The following RBFOX1 variants were observed in gnomAD, a reference collection of about 807,000 sequenced individuals.
RBFOX1 encodes RNA binding protein fox-1 homolog 1.
In RBFOX1, 8 loss-of-function variants were observed where a neutral mutation model predicts 57.7. The observed-to-expected ratio is 0.14, with a 90% CI of 0.08 to 0.25. The LOEUF is 0.25. Ranked by LOEUF, RBFOX1 falls within the 10% of genes least tolerant of loss-of-function variation. The probability of loss-of-function intolerance (pLI) is 1.00; values close to 1 mark genes in which losing one functional copy is unlikely to be tolerated. For synonymous variants in RBFOX1, 326 were observed against 222.4 expected (o/e 1.47, Z -4.15); for missense variants, 611 against 548.5 (o/e 1.11, Z -1.14).
intron 3 of RBFOX1, among the ~76,000 whole-genome samples, chr16:5,710,071 C>G (rs924689463): frequency 7.3e-5 from 11 of 150,854 alleles, no homozygotes; most frequent in African/African-American, 2.7e-4. Context: ...GCACCCGGGA[C>G]AGCTCCTGAG....
intron 4 of RBFOX1, among the ~76,000 whole-genome samples, chr16:5,909,237 C>T (rs759796778): frequency 1.6e-4 from 25 of 151,610 alleles, no homozygotes; most frequent in Non-Finnish European, 3.2e-4. Context: ...GGACTACAGG[C>T]ACCCACCACC....
rs577162159 is a variant in RBFOX1 at position 7,575,459 on chromosome 16, A to C, written c.271-4318A>C. Among the ~76,000 whole-genome samples the C allele has an allele frequency of 8.5e-5, 13 of 152,236 alleles. No individual in the cohort carries two copies. In the South Asian group the frequency reaches 2.3e-3, roughly 27 times the overall value. On this transcript the variant is annotated intron_variant, in intron 5 of 15. Coordinates refer to ENST00000550418, the MANE Select transcript of RBFOX1 (RefSeq NM_018723.4). ...TAGTATCGTTTTAAGAAGAAAAAGG[A>C]AGAGGGAAATTGGAGTTTCACCCCC...
chr16:5,652,419 C>G (rs1320248699), intron 3 of RBFOX1, among the ~76,000 whole-genome samples: 1 of 152,156 alleles, frequency 6.6e-6, no homozygotes, highest in Non-Finnish European at 1.5e-5. Flanking sequence ...GGCTTTCCTA[C>G]CTTGATGGCA....
At position 6,552,443 on chromosome 16, in the gene RBFOX1, C is replaced by T. The variant is rs371883924; in HGVS notation, c.-63-102160C>T. Among the ~76,000 whole-genome samples, 129 of 152,202 alleles carry T rather than the reference C, an allele frequency of 8.5e-4. 1 individual carries two copies. Among genetic ancestry groups the T allele is most frequent in the Middle Eastern group, 6.8e-3 (2 of 294 alleles). ...ATCTGTAAAATGGAATAATAATGCC[C>T]AATTCATGTGTTTGTAGTGAAGATT... On this transcript the variant is annotated intron_variant, in intron 2 of 15. Coordinates refer to ENST00000550418, the MANE Select transcript of RBFOX1 (RefSeq NM_018723.4).
chr16:5,917,325 CCCA>C (rs2058727196), intron 4 of RBFOX1, among the ~76,000 whole-genome samples: 1 of 152,078 alleles, frequency 6.6e-6, no homozygotes, highest in South Asian at 2.1e-4. Flanking sequence ...CCATTAAGCG[CCCA>C]CCACCGGACA....
At chr16:7,469,378 T>C (rs912629266) in intron 4 of RBFOX1, among the ~76,000 whole-genome samples, 1 of 152,116 alleles carries the variant, frequency 6.6e-6, no homozygotes, top group Non-Finnish European at 1.5e-5. Context: ...TGAGTGATTT[T>C]TAATTCCTAA....
intron 13 of RBFOX1, among the ~76,000 whole-genome samples, chr16:7,669,137 C>T (rs771162575): frequency 1.5e-4 from 23 of 152,162 alleles, no homozygotes; most frequent in Admixed American, 1.1e-3. Flanking sequence ...CTCCTGACTT[C>T]AAGAGATCCA....
intron 4 of RBFOX1, among the ~76,000 whole-genome samples, chr16:7,169,524 G>A (rs1262296164): frequency 1.3e-5 from 2 of 152,174 alleles, no homozygotes; most frequent in Non-Finnish European, 2.9e-5. Flanking sequence ...AATGTCCCCA[G>A]GAGGGTAAAA....
chr16:6,730,789 A>G (rs78524232), intron 3 of RBFOX1, among the ~76,000 whole-genome samples: 2,325 of 152,288 alleles, frequency 0.015, 38 homozygotes, highest in Middle Eastern at 0.034. Context: ...GATGGCTTAG[A>G]TTTCATTTAC....
intron 1 of RBFOX1, among the ~76,000 whole-genome samples, chr16:6,060,031 C>T (rs1178752641): frequency 1.3e-5 from 2 of 150,910 alleles, no homozygotes; most frequent in East Asian, 3.9e-4. Context: ...TGTTCTTTCC[C>T]ACTCTGTTTG....
chr16:6,777,019 T>C (rs781410021), intron 3 of RBFOX1, among the ~76,000 whole-genome samples: 1 of 152,180 alleles, frequency 6.6e-6, no homozygotes, highest in Non-Finnish European at 1.5e-5. Flanking sequence ...ACTAATAGCC[T>C]TCTGTAATTG....
At chr16:7,182,985 C>T (rs1299811380) in intron 4 of RBFOX1, among the ~76,000 whole-genome samples, 2 of 152,154 alleles carry the variant, frequency 1.3e-5, no homozygotes, top group Non-Finnish European at 2.9e-5. Flanking sequence ...TCTAAGCTTC[C>T]TGAGAGCTAA....
chr16:7,528,857 A>G (rs1346342969), intron 5 of RBFOX1, among the ~76,000 whole-genome samples: 1 of 152,210 alleles, frequency 6.6e-6, no homozygotes, highest in Non-Finnish European at 1.5e-5. Context: ...CAGAAGTTTC[A>G]GGAATGGCTC....
At chr16:7,140,957 T>C (rs2073600978) in intron 4 of RBFOX1, among the ~76,000 whole-genome samples, 1 of 152,086 alleles carries the variant, frequency 6.6e-6, no homozygotes, top group Non-Finnish European at 1.5e-5. Context: ...AACGTGGAAT[T>C]GGGAGAGAGA....
At chr16:5,827,987 A>T (rs961174336) in intron 3 of RBFOX1, among the ~76,000 whole-genome samples, 2 of 128,638 alleles carry the variant, frequency 1.6e-5, no homozygotes, top group South Asian at 5.1e-4. Context: ...GCATTCCTCT[A>T]TGCATCCAAT....
rs36226659 is a variant in RBFOX1, at chr16:7,132,433, GACACACACACACACACACACACACAC to G, written c.27+80359_27+80384del. On this transcript the variant is annotated intron_variant, in intron 4 of 15. Coordinates refer to ENST00000550418, the MANE Select transcript of RBFOX1 (RefSeq NM_018723.4). ...AAGGTTGAAGAAATTGTGATACACAGACACACACACACACACACACACACACACACACACACACACACACACACAGT... is the reference window on the plus strand; with the variant it reads ...AAGGTTGAAGAAATTGTGATACACAGACACACACACACACACACACACAGT... Among the ~76,000 whole-genome samples, 301 of 144,916 alleles carry G rather than the reference GACACACACACACACACACACACACAC, an allele frequency of 2.1e-3. 2 individuals are homozygous for G. In the East Asian group the frequency reaches 0.038, roughly 18 times the overall value.
intron 2 of RBFOX1, among the ~76,000 whole-genome samples, chr16:5,512,788 C>T (rs990953507): frequency 1.3e-5 from 2 of 152,196 alleles, no homozygotes; most frequent in Non-Finnish European, 2.9e-5. Flanking sequence ...TACCTAAAGT[C>T]CACACTTTAT....
intron 5 of RBFOX1, among the ~76,000 whole-genome samples, chr16:7,541,890 C>G (rs1240308163): frequency 6.6e-6 from 1 of 152,186 alleles, no homozygotes; most frequent in African/African-American, 2.4e-5. Flanking sequence ...ATTCACAAGC[C>G]ACATGCCTGC....
At chr16:7,225,058 A>G (rs1334135805) in intron 4 of RBFOX1, among the ~76,000 whole-genome samples, 1 of 152,198 alleles carries the variant, frequency 6.6e-6, no homozygotes, top group African/African-American at 2.4e-5. Flanking sequence ...AAATAAAGTG[A>G]TATGTTTAAA....
Sources: gnomAD v4.1 joint callset for allele counts (sites outside exome capture counted in the v4.1 genomes callset) on GRCh38, gnomAD v4.1.1 for gene constraint, MANE v1.5 for transcripts, NCBI Gene and HGNC (gene_info 2026-07-23, HGNC 2026-07-21) for gene names.